Variants in ADGRB3 observed in about 807,000 individuals in gnomAD.
ADGRB3 encodes adhesion G protein-coupled receptor B3, also known as brain-specific angiogenesis inhibitor 3.
A neutral mutation model predicts 193.4 loss-of-function variants in ADGRB3; 37 were observed. That is an observed-to-expected ratio of 0.19 (90% CI 0.15 to 0.25). The LOEUF (loss-of-function observed/expected upper bound fraction) is 0.25, where lower values mean the gene tolerates loss of function less well. Among genes scored for constraint, ADGRB3 ranks in the 10% least tolerant of loss-of-function variants. The pLI is 1.00. For missense variants in ADGRB3, 1,637 were observed against 1,852.9 expected (o/e 0.88, Z 2.14); for synonymous variants, 690 against 644.2 (o/e 1.07, Z -1.08).
chr6:69,092,929 G>T (rs553796064), intron 17 of ADGRB3, among the ~76,000 whole-genome samples: 1 of 152,226 alleles, frequency 6.6e-6, no homozygotes, highest in East Asian at 1.9e-4. Flanking sequence ...GTTTGGTGGA[G>T]AGGGGTGGGC....
At chr6:68,698,755 C>G (rs1321740208) in intron 3 of ADGRB3, among the ~76,000 whole-genome samples, 1 of 151,912 alleles carries the variant, frequency 6.6e-6, no homozygotes, top group African/African-American at 2.4e-5. Flanking sequence ...TTTATTCCAG[C>G]CTGTGGATTT....
intron 3 of ADGRB3, among the ~76,000 whole-genome samples, chr6:68,786,924 T>A (rs1444762774): frequency 1.3e-5 from 2 of 151,910 alleles, no homozygotes; most frequent in Admixed American, 1.3e-4. Flanking sequence ...CAATTGTGAA[T>A]GGGCGTTCAC....
At chr6:68,745,554 G>A (rs926224515) in intron 3 of ADGRB3, among the ~76,000 whole-genome samples, 8 of 151,850 alleles carry the variant, frequency 5.3e-5, no homozygotes, top group African/African-American at 1.9e-4. Context: ...AATTAGTAAA[G>A]TTTGTTATGT....
chr6:68,967,549 C>T (rs1006884599), intron 8 of ADGRB3, among the ~76,000 whole-genome samples: 7 of 152,074 alleles, frequency 4.6e-5, no homozygotes, highest in Non-Finnish European at 1.5e-5. Context: ...GCTAACCTCC[C>T]TATCTTTCTG....
rs149575000 is a variant in ADGRB3 at position 69,001,200 on chromosome 6, T to C, written c.1929+7238T>C. Among the ~76,000 whole-genome samples the C allele has an allele frequency of 2.7e-3, 407 of 152,316 alleles. 1 individual carries two copies. Among genetic ancestry groups the C allele is most frequent in the African/African-American group, 9.6e-3 (401 of 41,578 alleles). ...ATAGAATCTGGAGAAGCAAGTTAGG[T>C]ACAGAAATACTCAATAATTAAACTA... On this transcript the variant is annotated intron_variant, in intron 11 of 31. Transcript: ENST00000370598.
intron 3 of ADGRB3, among the ~76,000 whole-genome samples, chr6:68,878,890 C>T (rs1765661706): frequency 1.3e-5 from 2 of 152,088 alleles, no homozygotes; most frequent in South Asian, 4.1e-4. Context: ...AAAGAGAGAG[C>T]TTGTGCAAGG....
intron 13 of ADGRB3, among the ~76,000 whole-genome samples, chr6:69,035,148 G>T (rs1018365609): frequency 2.3e-4 from 35 of 152,042 alleles, no homozygotes; most frequent in African/African-American, 8.2e-4. Context: ...TCCAAAATTA[G>T]TCTATAAAAT....
intron 3 of ADGRB3, among the ~76,000 whole-genome samples, chr6:68,873,004 T>C (rs554963353): frequency 4.1e-4 from 63 of 152,240 alleles, no homozygotes; most frequent in African/African-American, 1.4e-3. Context: ...TTTGGCTGTT[T>C]AGATTCATTA....
chr6:68,891,386 A>G (rs1766072810), intron 3 of ADGRB3, among the ~76,000 whole-genome samples: 2 of 152,204 alleles, frequency 1.3e-5, no homozygotes, highest in African/African-American at 4.8e-5. Flanking sequence ...AGCAGTATGT[A>G]TATTTGAGGA....
intron 17 of ADGRB3, among the ~76,000 whole-genome samples, chr6:69,186,219 C>CT (rs990254903): frequency 1.3e-5 from 2 of 150,722 alleles, no homozygotes; most frequent in Non-Finnish European, 2.9e-5. Flanking sequence ...GCCTGCAACC[C>CT]TTTACTGAAT....
At chr6:68,905,767 C>A (rs751389408) in intron 3 of ADGRB3, among the ~76,000 whole-genome samples, 14 of 152,106 alleles carry the variant, frequency 9.2e-5, no homozygotes, top group Non-Finnish European at 2.1e-4. Flanking sequence ...TTAAAAAGTT[C>A]CCAAATATTC....
At chr6:69,263,023 A>C (rs932472516) in intron 20 of ADGRB3, among the ~76,000 whole-genome samples, 9 of 152,026 alleles carry the variant, frequency 5.9e-5, no homozygotes, top group African/African-American at 1.9e-4. Flanking sequence ...GAAAGAGTTC[A>C]GGAATCTGAC....
chr6:69,206,900 G>T (rs1441932407), intron 17 of ADGRB3, among the ~76,000 whole-genome samples: 2 of 152,132 alleles, frequency 1.3e-5, no homozygotes, highest in African/African-American at 4.8e-5. Flanking sequence ...AAGGGTCTGG[G>T]TCATTTGTAG....
In ADGRB3 at chr6:69,101,594, G is replaced by A. The variant is rs867614609; in HGVS notation, c.2480+25556G>A. On this transcript the variant is annotated intron_variant, in intron 17 of 31. Transcript: ENST00000370598. Reference sequence around the variant, plus strand: ...CATTTATATATTTCTTATAAAAATAGACTGTGAAAGACATAAATTTTAAAT... The same window carrying A: ...CATTTATATATTTCTTATAAAAATAAACTGTGAAAGACATAAATTTTAAAT... Among the ~76,000 whole-genome samples the A allele has an allele frequency of 6.6e-5, 10 of 152,040 alleles. 1 individual carries two copies. Among genetic ancestry groups the A allele is most frequent in the South Asian group, 6.2e-4 (3 of 4,820 alleles).
At chr6:69,294,248 A>G (rs1366864171) in intron 20 of ADGRB3, among the ~76,000 whole-genome samples, 1 of 152,074 alleles carries the variant, frequency 6.6e-6, no homozygotes, top group Admixed American at 6.6e-5. Context: ...TCTGAACTAA[A>G]GAGAATAAGC....
intron 17 of ADGRB3, among the ~76,000 whole-genome samples, chr6:69,090,874 A>G (rs1772685949): frequency 6.6e-6 from 1 of 152,212 alleles, no homozygotes; most frequent in Admixed American, 6.5e-5. Flanking sequence ...TTACAGTGCT[A>G]TAAACATATT....
intron 11 of ADGRB3, among the ~76,000 whole-genome samples, chr6:68,999,096 A>C (rs1186671124): frequency 6.6e-6 from 1 of 152,206 alleles, no homozygotes; most frequent in Non-Finnish European, 1.5e-5. Context: ...ATACAATAAA[A>C]ATGTGCTTAT....
At chr6:69,221,212 A>G in intron 17 of ADGRB3, among the ~76,000 whole-genome samples, 1 of 152,068 alleles carries the variant, frequency 6.6e-6, no homozygotes, top group East Asian at 1.9e-4. Flanking sequence ...AAAAAGCCTT[A>G]ATTTTATCTA....
At chr6:69,302,053 A>G (rs1010510523) in intron 20 of ADGRB3, among the ~76,000 whole-genome samples, 2 of 151,950 alleles carry the variant, frequency 1.3e-5, no homozygotes, top group African/African-American at 4.8e-5. Context: ...TCTGCTGACC[A>G]AGAGGCAGCA....
Sources: gnomAD v4.1 joint callset for allele counts (sites outside exome capture counted in the v4.1 genomes callset) on GRCh38, gnomAD v4.1.1 for gene constraint, MANE v1.5 for transcripts, NCBI Gene and HGNC (gene_info 2026-07-23, HGNC 2026-07-21) for gene names.